Variants in DHX15 observed in about 807,000 individuals in gnomAD.
DHX15 encodes DEAH-box helicase 15, also known as ATP-dependent RNA helicase DHX15.
In DHX15, 11 loss-of-function variants were observed where a neutral mutation model predicts 94.4. The ratio of observed to expected loss-of-function variants is 0.12; its 90% CI spans 0.07 to 0.19. The LOEUF (loss-of-function observed/expected upper bound fraction) is 0.19, where lower values mean the gene tolerates loss of function less well. DHX15 is among the 10% of genes least tolerant of loss of function. The pLI, the probability that DHX15 is intolerant of heterozygous loss-of-function variation, is 1.00. For missense variants in DHX15, 304 were observed against 988.5 expected, an observed-to-expected ratio of 0.31 and a Z score of 9.29; for synonymous variants, 338 against 329.9, an observed-to-expected ratio of 1.02 and a Z score of -0.27.
intron 1 of DHX15, among the ~76,000 whole-genome samples, chr4:24,578,527 T>C (rs1037579838): frequency 2.0e-5 from 3 of 152,284 alleles, no homozygotes; most frequent in Admixed American, 6.5e-5. Context: ...CACTCAACCA[T>C]GGGGGAAGGA....
At chr4:24,567,865 A>G (rs1722029443) in intron 3 of DHX15, among the ~76,000 whole-genome samples, 1 of 152,212 alleles carries the variant, frequency 6.6e-6, no homozygotes, top group African/African-American at 2.4e-5. Context: ...AAACACATAA[A>G]AAAGGAAATA....
chr4:24,563,927 C>T (rs1026334093), intron 3 of DHX15, among the ~76,000 whole-genome samples: 4 of 151,866 alleles, frequency 2.6e-5, no homozygotes, highest in Admixed American at 6.6e-5. Context: ...ATTAGCCGGG[C>T]GTGGTGGTGG....
chr4:24,548,635 A>G lies in DHX15; in HGVS notation c.1248+220T>C, dbSNP rs189806538. On this transcript the variant is annotated intron_variant, in intron 6 of 13. Coordinates refer to ENST00000336812, the MANE Select transcript of DHX15 (RefSeq NM_001358.3). ...CCAACATCCTTTCTTAACCCATCCT[A>G]ACTAATCTTCCATTTGCTAAGGAGG... Among the ~76,000 whole-genome samples, 404 of 152,308 alleles carry G rather than the reference A, an allele frequency of 2.7e-3. 1 individual carries two copies. The highest frequency in any genetic ancestry group is 5.4e-3 in the South Asian group (26 of 4,824).
In DHX15 at chr4:24,548,309, A is replaced by T. The variant is rs544462507; in HGVS notation, c.1248+546T>A. On this transcript the variant is annotated intron_variant, in intron 6 of 13. Coordinates refer to ENST00000336812, the MANE Select transcript of DHX15 (RefSeq NM_001358.3). Reference sequence around the variant, plus strand: ...AGGCACGCGCTACCACGCCCGGCTAATTTTTTTGTATTTTCAATACAGACA... The same window carrying T: ...AGGCACGCGCTACCACGCCCGGCTATTTTTTTTGTATTTTCAATACAGACA... Among the ~76,000 whole-genome samples, 4 of 151,366 alleles carry T rather than the reference A, an allele frequency of 2.6e-5. No individual in the cohort carries two copies. The East Asian group carries it at 7.8e-4, about 29-fold the overall frequency.
chr4:24,535,751 A>G lies in DHX15; in HGVS notation c.1909+1300T>C, dbSNP rs894116233. Among the ~76,000 whole-genome samples the G allele has an allele frequency of 5.8e-4, 88 of 152,332 alleles. 1 individual carries two copies. Among genetic ancestry groups the G allele is most frequent in the African/African-American group, 1.9e-3 (78 of 41,574 alleles). Reference sequence around the variant, plus strand: ...CGTCTGGTGCACACACTGGCCCTCTAGCACTTCTGGACCCCAAGACAAATA... The same window carrying G: ...CGTCTGGTGCACACACTGGCCCTCTGGCACTTCTGGACCCCAAGACAAATA... On this transcript the variant is annotated intron_variant, in intron 11 of 13. Coordinates refer to ENST00000336812, the MANE Select transcript of DHX15 (RefSeq NM_001358.3).
chr4:24,569,507 G>A (rs374590391), intron 3 of DHX15, among the ~76,000 whole-genome samples: 3 of 142,088 alleles, frequency 2.1e-5, no homozygotes, highest in Admixed American at 7.7e-5. Flanking sequence ...CAGGAGAATC[G>A]CTTGAACCCG....
chr4:24,550,648 A>G (rs556262416), intron 5 of DHX15, among the ~76,000 whole-genome samples: 2 of 152,256 alleles, frequency 1.3e-5, no homozygotes, highest in African/African-American at 4.8e-5. Context: ...GGCCAGTAAC[A>G]CACATGGAGC....
At position 24,554,962 on chromosome 4, in the gene DHX15, T is replaced by C. The variant is rs1210445058; in HGVS notation, c.862-19A>G. ...CTATAACCTGAAAGAAAACAGTAAA[T>C]TATTTGAAGCTGTCTTCAAGGATTC... On this transcript the variant is annotated intron_variant, in intron 4 of 13. Coordinates refer to ENST00000336812, the MANE Select transcript of DHX15 (RefSeq NM_001358.3). 3.1e-6 allele frequency: 5 copies of C among 1,590,222 alleles called. No homozygotes were observed. The highest frequency in any genetic ancestry group is 4.5e-5 in the East Asian group (2 of 44,678).
chr4:24,558,156 T>C (rs1413656872), intron 3 of DHX15, among the ~76,000 whole-genome samples: 3 of 152,130 alleles, frequency 2.0e-5, no homozygotes, highest in African/African-American at 7.2e-5. Flanking sequence ...TCTCAGTATA[T>C]ACAGACCCAA....
intron 1 of DHX15, 113 bp from the exon 2 acceptor site, chr4:24,576,791 T>C: frequency 7.1e-7 from 1 of 1,407,078 alleles, no homozygotes; most frequent in Non-Finnish European, 9.4e-7. Context: ...AAAAGTCCAA[T>C]GGATTATGTA....
intron 6 of DHX15, among the ~76,000 whole-genome samples, chr4:24,547,470 T>C (rs1322727605): frequency 6.6e-6 from 1 of 152,178 alleles, no homozygotes; most frequent in Non-Finnish European, 1.5e-5. Context: ...GATGTGTAAC[T>C]GTAGTAAATA....
chr4:24,537,897 A>AG lies in DHX15; in HGVS notation c.1787-725dup, dbSNP rs1386180806. ...GAAAATAAAGTCCCAAATTTAAAAA[A>AG]GAAAAAAAACAAACTTATTTGAATC... On this transcript the variant is annotated intron_variant, in intron 10 of 13. Transcript: ENST00000336812. The surrounding 1 kb of genome is among the most constrained non-coding windows in gnomAD (Gnocchi z 4.7). 2.0e-5 allele frequency: 3 copies of AG among 152,212 alleles called. No homozygotes were observed. The highest frequency in any genetic ancestry group is 4.1e-4 in the South Asian group (2 of 4,834). The allele number at this position is 152,212 out of a possible 1,614,324, so 9.4% of individuals were successfully genotyped here. A position where few individuals can be genotyped will look rare whatever the true frequency, so the allele number is the denominator to read the frequency against.
At position 24,527,850 on chromosome 4, in the gene DHX15, G is replaced by T; in HGVS notation, c.*74C>A. The T allele has an allele frequency of 9.4e-7, 1 of 1,062,864 alleles. No homozygotes were observed. Among genetic ancestry groups the T allele is most frequent in the Non-Finnish European group, 1.5e-6 (1 of 687,270 alleles). The allele number at this position is 1,062,864 out of a possible 1,614,324, so 65.8% of individuals were successfully genotyped here. A position where few individuals can be genotyped will look rare whatever the true frequency, so the allele number is the denominator to read the frequency against. ...GGCCATTATCGAACCAACGTGAAGA[G>T]CACAACTCGAACTTTTGAGTTCATT... is the stretch of plus-strand genomic sequence containing the variant. On this transcript the variant is annotated 3_prime_UTR_variant, in exon 14 of 14. Coordinates refer to ENST00000336812, the MANE Select transcript of DHX15 (RefSeq NM_001358.3).
At chr4:24,535,316 G>T (rs758174833) in intron 11 of DHX15, among the ~76,000 whole-genome samples, 1 of 152,152 alleles carries the variant, frequency 6.6e-6, no homozygotes, top group Non-Finnish European at 1.5e-5. Context: ...CATACATCTA[G>T]TGAGTGGATA....
chr4:24,532,119 A>G (rs1208675606), intron 12 of DHX15, among the ~76,000 whole-genome samples: 1 of 152,178 alleles, frequency 6.6e-6, no homozygotes, highest in Non-Finnish European at 1.5e-5. Flanking sequence ...ATTTTCTTGC[A>G]TTTTTCTCAA....
intron 3 of DHX15, among the ~76,000 whole-genome samples, chr4:24,564,786 A>G (rs1036538397): frequency 6.6e-6 from 1 of 152,168 alleles, no homozygotes; most frequent in Non-Finnish European, 1.5e-5. Context: ...ACAACAAACT[A>G]CTAGATGTAA....
At chr4:24,560,685 C>A (rs181923248) in intron 3 of DHX15, among the ~76,000 whole-genome samples, 182 of 151,934 alleles carry the variant, frequency 1.2e-3, no homozygotes, top group Middle Eastern at 6.8e-3. Flanking sequence ...TTTATAATAC[C>A]GCATATTTGG....
chr4:24,545,957 T>A (rs1721413052), intron 6 of DHX15, among the ~76,000 whole-genome samples: 1 of 152,076 alleles, frequency 6.6e-6, no homozygotes, highest in Non-Finnish European at 1.5e-5. Flanking sequence ...AAGAGTAAAT[T>A]TTCCTCCCTC....
intron 1 of DHX15, chr4:24,580,867 G>A (rs939719811): frequency 2.0e-5 from 3 of 151,708 alleles, no homozygotes; most frequent in African/African-American, 7.3e-5. Flanking sequence ...ACCTCTCAAG[G>A]ATGTGTGCAA....
Sources: allele counts gnomAD v4.1 joint callset (sites outside exome capture counted in the v4.1 genomes callset), GRCh38; gene constraint gnomAD v4.1.1; non-coding constraint Gnocchi (gnomAD v3.1); transcripts MANE v1.5; gene names NCBI Gene and HGNC (gene_info 2026-07-23, HGNC 2026-07-21).